PYGM: variants seen among roughly 807,000 people sequenced by gnomAD.
PYGM encodes glycogen phosphorylase, muscle associated.
A neutral mutation model predicts 99.3 loss-of-function variants in PYGM; 81 were observed. The observed-to-expected ratio is 0.82, with a 90% CI of 0.68 to 0.98. PYGM has a LOEUF of 0.98. Ranked by LOEUF, PYGM falls within the 50% of genes least tolerant of loss-of-function variation. PYGM has a pLI of 0.00. For synonymous variants in PYGM, 436 were observed against 451.5 expected, an observed-to-expected ratio of 0.97 and a Z score of 0.44; for missense variants, 1,030 against 1,158.1, an observed-to-expected ratio of 0.89 and a Z score of 1.61.
At chr11:64,747,126 C>G in intron 18 of PYGM, 98 bp downstream of exon 18, 2 of 1,579,042 alleles carry the variant, frequency 1.3e-6, no homozygotes, top group Non-Finnish European at 1.7e-6. Context: ...GCGCCTGGCT[C>G]CAACTACCAG....
intron 18 of PYGM, 39 bp downstream of exon 18, chr11:64,747,185 G>A (rs1476142142): frequency 3.1e-6 from 5 of 1,611,058 alleles, no homozygotes; most frequent in East Asian, 4.5e-5. Flanking sequence ...GATCTGCCCT[G>A]CGGCCCCACC....
chr11:64,754,054 C>T lies in PYGM; in HGVS notation c.1093-29G>A, dbSNP rs913107946. The T allele has an allele frequency of 1.3e-6, 2 of 1,594,968 alleles. No homozygotes were observed. Among genetic ancestry groups the T allele is most frequent in the Non-Finnish European group, 1.7e-6 (2 of 1,170,852 alleles). ...GCACACGGGGTGGGCAGTCAGGATG[C>T]TGACCTCAGCCCAGTGGGTCTCCTC... is the stretch of plus-strand genomic sequence containing the variant. On this transcript the variant is annotated intron_variant, in intron 9 of 19. Coordinates refer to ENST00000164139, the MANE Select transcript of PYGM (RefSeq NM_005609.4). This position sits in a 1 kb window ranked among gnomAD's most constrained non-coding sequence, Gnocchi z 5.5.
chr11:64,757,669 G>T, intron 5 of PYGM, 110 bp downstream of exon 5: 1 of 1,501,546 alleles, frequency 6.7e-7, no homozygotes, highest in South Asian at 1.2e-5. Flanking sequence ...TAACCTCTCT[G>T]AGCCTCAGCA....
chr11:64,746,768 G>T lies in PYGM; in HGVS notation c.2420C>A (p.Ala807Asp). 6.2e-7 allele frequency: 1 copy of T among 1,614,150 alleles called. No homozygotes were observed. The highest frequency in any genetic ancestry group is 8.5e-7 in the Non-Finnish European group (1 of 1,180,014). The change falls in exon 20 of 20, where the codon GCC (alanine) becomes GAC (aspartate). Residue 807 changes from alanine (A) to aspartate (D), a missense_variant. Physicochemically the swap from Ala to Asp is moderately radical, Grantham distance 126. Transcript: ENST00000164139. ...EWTRMVIRNIATSGKFSSDRT... is the reference protein window; with the variant it reads ...EWTRMVIRNIDTSGKFSSDRT... ...GTCACTGGAGAACTTGCCAGAGGTG[G>T]CTATGTTCCGGATCACCATCCGCGT...
chr11:64,752,593 C>T, intron 12 of PYGM, 89 bp from the exon 13 acceptor site: 1 of 1,346,692 alleles, frequency 7.4e-7, no homozygotes, highest in Non-Finnish European at 1.0e-6. Flanking sequence ...AGCCAAGCCC[C>T]CTTCACCCAG....
In PYGM at chr11:64,753,878, C is replaced by G; in HGVS notation, c.1239+1G>C. 2 of 1,571,894 alleles carry G rather than the reference C, an allele frequency of 1.3e-6. No homozygotes were observed. The highest frequency in any genetic ancestry group is 1.7e-6 in the Non-Finnish European group (2 of 1,158,244). ...ACCATCCCCCAAGCCTCCGGACTCA[C>G]GTTGAGGAAGCGCTGGTTGATCTCG... is the stretch of plus-strand genomic sequence containing the variant. On this transcript the variant is annotated splice_donor_variant, in intron 10 of 19. Transcript: ENST00000164139. LOFTEE classifies it high-confidence loss of function.
Position 64,750,429 on chromosome 11 carries a change from G to A in PYGM, c.2124C>T (p.Asn708=). Residue 708 remains asparagine, a synonymous_variant, in exon 17 of 20, where the codon AAC becomes AAT. Coordinates refer to ENST00000164139, the MANE Select transcript of PYGM (RefSeq NM_005609.4). ...CCACCCGCATGCCAAAGATGAAGAAGTTTTCCTCTCCCGCCTCTTCTGCCA... is the reference window on the plus strand; with the variant it reads ...CCACCCGCATGCCAAAGATGAAGAAATTTTCCTCTCCCGCCTCTTCTGCCA... ...VEMAEEAGEE[N]FFIFGMRVED... is the part of the protein sequence containing the mutation. 1 of 1,614,138 alleles carries A rather than the reference G, an allele frequency of 6.2e-7. No individual in the cohort carries two copies. The highest frequency in any genetic ancestry group is 8.5e-7 in the Non-Finnish European group (1 of 1,180,026).
chr11:64,759,798 C>A lies in PYGM; in HGVS notation c.101G>T (p.Arg34Leu). The A allele has an allele frequency of 6.2e-7, 1 of 1,614,180 alleles. No individual in the cohort carries two copies. The change falls in exon 1 of 20, where the codon CGG becomes CTG. Residue 34 changes from arginine to leucine, a missense_variant. Arg to Leu is a moderately radical substitution (Grantham distance 102). Transcript: ENST00000164139. ...NVTELKKNFN[R>L]HLHFTLVKDR... ...CTTTACGAGTGTGAAATGCAGGTGC[C>A]GGTTGAAGTTCTTTTTCAGCTCAGT...
At chr11:64,749,918 G>A (rs1055912564) in intron 17 of PYGM, among the ~76,000 whole-genome samples, 5 of 150,694 alleles carry the variant, frequency 3.3e-5, no homozygotes, top group South Asian at 2.1e-4. Flanking sequence ...TCAGCCTCCC[G>A]ATCAGCTGGG....
Position 64,753,860 on chromosome 11 carries a change from C to T in PYGM, c.1239+19G>A, listed in dbSNP as rs1398600961. 1.3e-6 allele frequency: 2 copies of T among 1,559,786 alleles called. No individual in the cohort carries two copies. Among genetic ancestry groups the T allele is most frequent in the East Asian group, 2.4e-5 (1 of 41,820 alleles). On this transcript the variant is annotated intron_variant, in intron 10 of 19. Coordinates refer to ENST00000164139, the MANE Select transcript of PYGM (RefSeq NM_005609.4). ...GTCCCCCCTCACCCCCACACCATCC[C>T]CCAAGCCTCCGGACTCACGTTGAGG...
intron 17 of PYGM, chr11:64,748,150 G>C (rs566653): frequency 6.6e-6 from 1 of 152,416 alleles, no homozygotes; most frequent in Non-Finnish European, 1.5e-5. Context: ...AGAAACCAGC[G>C]CTCCCCACAA....
Position 64,751,625 on chromosome 11 carries a change from A to G in PYGM, c.1799T>C (p.Val600Ala). The change falls in exon 15 of 20, where the codon GTG becomes GCG. Residue 600 changes from valine to alanine, a missense_variant. Val to Ala is a moderately conservative substitution (Grantham distance 64, BLOSUM62 0). Transcript: ENST00000164139. ...CCCTCCAATCATCACAGTCCGAGGCACAAAAAACTTATTGGGCTCCCTCTT... is the reference window on the plus strand; with the variant it reads ...CCCTCCAATCATCACAGTCCGAGGCGCAAAAAACTTATTGGGCTCCCTCTT... Reference protein sequence around the residue: ...RIKREPNKFFVPRTVMIGGKA... With the variant: ...RIKREPNKFFAPRTVMIGGKA... 6.2e-7 allele frequency: 1 copy of G among 1,614,022 alleles called. No homozygotes were observed.
At position 64,751,331 on chromosome 11, in the gene PYGM, C is replaced by CGGCCA; in HGVS notation, c.1958_1962dup (p.Glu655TrpfsTer5). 1 of 1,614,194 alleles carries CGGCCA rather than the reference C, an allele frequency of 6.2e-7. No individual in the cohort carries two copies. The highest frequency in any genetic ancestry group is 8.5e-7 in the Non-Finnish European group (1 of 1,180,048). ...CCCTGTTGGCAGCACCCACCTTTCT[C>CGGCCA]GGCCAGTGAGACTCGGTAGTTCTCC... is the stretch of plus-strand genomic sequence containing the variant. On this transcript the variant is annotated frameshift_variant, in exon 16 of 20. Coordinates refer to ENST00000164139, the MANE Select transcript of PYGM (RefSeq NM_005609.4). LOFTEE classifies it high-confidence loss of function.
chr11:64,746,927 C>T lies in PYGM; in HGVS notation c.2373G>A (p.Leu791=). ...CTGGCCCAGGACCCCTCACCTTGTA[C>T]AAGGCGCTGACTTTCTCCTGGCATT... ...YIKCQEKVSA[L]YKNPREWTRM... Residue 791 remains leucine, a synonymous_variant, in exon 19 of 20, where the codon TTG becomes TTA. Transcript: ENST00000164139. 1 of 1,614,216 alleles carries T rather than the reference C, an allele frequency of 6.2e-7. No homozygotes were observed. Among genetic ancestry groups the T allele is most frequent in the Non-Finnish European group, 8.5e-7 (1 of 1,180,038 alleles).
At chr11:64,749,697 G>A (rs989749304) in intron 17 of PYGM, among the ~76,000 whole-genome samples, 3 of 151,592 alleles carry the variant, frequency 2.0e-5, no homozygotes, top group Non-Finnish European at 4.4e-5. Flanking sequence ...GTAATGCCAG[G>A]ATAATGTCTT....
chr11:64,758,151 T>G (rs2058406273), intron 4 of PYGM, 95 bp downstream of exon 4: 1 of 1,452,792 alleles, frequency 6.9e-7, no homozygotes, highest in Non-Finnish European at 9.6e-7. Context: ...CCACAGAGCT[T>G]GCGGGGCTGT....
chr11:64,747,381 A>T (rs756634538), intron 17 of PYGM, 23 bp from the exon 18 acceptor site: 23 of 1,613,980 alleles, frequency 1.4e-5, no homozygotes, highest in Non-Finnish European at 1.9e-5. Flanking sequence ...AGCTGTGGTC[A>T]GCTCCCCGGA....
In PYGM at chr11:64,759,865, T is replaced by C; in HGVS notation, c.34A>G (p.Lys12Glu). Reference sequence around the variant, plus strand: ...GCCAGGCCACGCACACTGATTTGCTTTCTTTTCTCTTGGTCTGACAGGGGC... The same window carrying C: ...GCCAGGCCACGCACACTGATTTGCTCTCTTTTCTCTTGGTCTGACAGGGGC... ...SRPLSDQEKRKQISVRGLAGV... is the reference protein window; with the variant it reads ...SRPLSDQEKREQISVRGLAGV... The change falls in exon 1 of 20, where the codon AAG becomes GAG. Residue 12 changes from lysine (K) to glutamate (E), a missense_variant. Coordinates refer to ENST00000164139, the MANE Select transcript of PYGM (RefSeq NM_005609.4). 6.2e-7 allele frequency: 1 copy of C among 1,614,172 alleles called. No homozygotes were observed. The highest frequency in any genetic ancestry group is 8.5e-7 in the Non-Finnish European group (1 of 1,180,024).
chr11:64,760,123 A>T, upstream of PYGM: 1 of 667,290 alleles, frequency 1.5e-6, no homozygotes, highest in South Asian at 1.9e-5. Flanking sequence ...GGTGAGCTCC[A>T]CTTGGGCCGC....
Sources: gnomAD v4.1 joint callset for allele counts (sites outside exome capture counted in the v4.1 genomes callset) on GRCh38, gnomAD v4.1.1 for gene constraint, Gnocchi (gnomAD v3.1) non-coding constraint, MANE v1.5 for transcripts, NCBI Gene and HGNC (gene_info 2026-07-23, HGNC 2026-07-21) for gene names.